KIF13B: variants seen among roughly 807,000 people sequenced by gnomAD.
KIF13B encodes the protein kinesin-like protein KIF13B.
In KIF13B, 127 loss-of-function variants were observed where a neutral mutation model predicts 222.0. The observed-to-expected ratio is 0.57, with a 90% confidence interval of 0.50 to 0.66. KIF13B has a LOEUF of 0.66. KIF13B is among the 30% of genes least tolerant of loss of function. KIF13B has a pLI of 0.00. For missense variants in KIF13B, 2,173 were observed against 2,379.0 expected (o/e 0.91, Z 1.80); for synonymous variants, 976 against 919.0 (o/e 1.06, Z -1.12).
chr8:29,112,406 C>G (rs12543496), intron 32 of KIF13B, among the ~76,000 whole-genome samples: 15,343 of 142,946 alleles, frequency 0.11, 1,109 homozygotes, highest in Admixed American at 0.24. Flanking sequence ...GCACTCCAAC[C>G]TGGTGACAGA....
At chr8:29,166,669 A>C (rs1208080566) in intron 11 of KIF13B, among the ~76,000 whole-genome samples, 1 of 145,240 alleles carries the variant, frequency 6.9e-6, no homozygotes, top group African/African-American at 2.5e-5. Flanking sequence ...ACACCATTGC[A>C]CTCCAGCGTG....
chr8:29,073,344 G>T lies in KIF13B; in HGVS notation c.4522-1028C>A, dbSNP rs1038516237. On this transcript the variant is annotated intron_variant, in intron 38 of 39. Coordinates refer to ENST00000524189, the MANE Select transcript of KIF13B (RefSeq NM_015254.4). The stretch of plus-strand genomic sequence containing the variant: ...TGAGGCCAGCAGCTCTCCTCATGTC[G>T]GTCACTCTGTCTGAGTCACCCAGGC... Among the ~76,000 whole-genome samples, 4 of 152,166 alleles carry T rather than the reference G, an allele frequency of 2.6e-5. No homozygotes were observed. The South Asian group carries it at 6.2e-4, about 24-fold the overall frequency.
intron 2 of KIF13B, among the ~76,000 whole-genome samples, chr8:29,213,700 G>C (rs1278700406): frequency 6.6e-6 from 1 of 152,102 alleles, no homozygotes; most frequent in Non-Finnish European, 1.5e-5. Flanking sequence ...TGTAATTCTA[G>C]TACTTTGGGA....
intron 22 of KIF13B, among the ~76,000 whole-genome samples, 177 bp from the exon 23 acceptor site, chr8:29,132,642 T>C (rs1244663242): frequency 6.6e-6 from 1 of 152,258 alleles, no homozygotes; most frequent in Non-Finnish European, 1.5e-5. Flanking sequence ...CAAAAGGTTC[T>C]TGACTTTAAA....
chr8:29,185,626 A>C (rs1433594875), intron 6 of KIF13B, among the ~76,000 whole-genome samples: 1 of 152,222 alleles, frequency 6.6e-6, no homozygotes, highest in African/African-American at 2.4e-5. Flanking sequence ...ACTGCCTCTA[A>C]GATCCTCTTT....
chr8:29,131,190 G>A (rs555368043), intron 23 of KIF13B, among the ~76,000 whole-genome samples: 58 of 152,256 alleles, frequency 3.8e-4, no homozygotes, highest in African/African-American at 1.3e-3. Context: ...GCAGGGAAGT[G>A]AGCAAGGGTT....
intron 6 of KIF13B, among the ~76,000 whole-genome samples, chr8:29,182,714 G>T (rs61387428): frequency 0.06 from 9,064 of 151,318 alleles, 558 homozygotes; most frequent in African/African-American, 0.15. Flanking sequence ...AAAATATTAA[G>T]AATAATAATA....
At chr8:29,191,147 A>G in intron 3 of KIF13B, 90 bp from the exon 4 acceptor site, 1 of 938,038 alleles carries the variant, frequency 1.1e-6, no homozygotes, top group Admixed American at 2.4e-5. Context: ...TAGTGAAATA[A>G]AACAACTTAC....
At chr8:29,209,522 G>C (rs1814110736) in intron 2 of KIF13B, among the ~76,000 whole-genome samples, 1 of 152,130 alleles carries the variant, frequency 6.6e-6, no homozygotes, top group African/African-American at 2.4e-5. Flanking sequence ...AATTCTAAGA[G>C]CTGCTTTAAT....
chr8:29,108,510 T>A (rs1334147068), intron 34 of KIF13B, among the ~76,000 whole-genome samples: 1 of 152,268 alleles, frequency 6.6e-6, no homozygotes, highest in Non-Finnish European at 1.5e-5. Flanking sequence ...TTACTTGTTA[T>A]CTAACCATGG....
intron 2 of KIF13B, among the ~76,000 whole-genome samples, chr8:29,200,113 C>G (rs974833050): frequency 2.0e-5 from 3 of 152,050 alleles, no homozygotes; most frequent in Non-Finnish European, 4.4e-5. Context: ...AGAAACAAAC[C>G]AGTAAATTAA....
intron 37 of KIF13B, among the ~76,000 whole-genome samples, chr8:29,079,727 T>A (rs1014738248): frequency 6.6e-6 from 1 of 152,232 alleles, no homozygotes. Flanking sequence ...AAATCTTTCA[T>A]GGCTAACAAT....
intron 10 of KIF13B, among the ~76,000 whole-genome samples, chr8:29,169,853 C>T (rs1287948597): frequency 1.3e-5 from 2 of 152,220 alleles, no homozygotes; most frequent in Non-Finnish European, 2.9e-5. Flanking sequence ...GGCAGCATCG[C>T]ATTGTCCTCT....
chr8:29,206,117 T>TC (rs1813922961), intron 2 of KIF13B, among the ~76,000 whole-genome samples: 1 of 149,128 alleles, frequency 6.7e-6, no homozygotes, highest in Non-Finnish European at 1.5e-5. Flanking sequence ...ATTAACTAAT[T>TC]CCCCCCACAA....
intron 21 of KIF13B, 111 bp from the exon 22 acceptor site, chr8:29,134,321 A>G (rs1403072095): frequency 1.0e-6 from 1 of 962,678 alleles, no homozygotes; most frequent in African/African-American, 1.6e-5. Flanking sequence ...TATGATATTT[A>G]TGTTGGCCAA....
intron 16 of KIF13B, 76 bp from the exon 17 acceptor site, chr8:29,147,678 ATGTTGTC>A: frequency 1.8e-6 from 2 of 1,111,906 alleles, no homozygotes. Context: ...CTATATGGTA[ATGTTGTC>A]TGTCATCTTA....
rs146971981 is a variant in KIF13B at position 29,089,434 on chromosome 8, G to A, written c.4458+3311C>T. Reference sequence around the variant, plus strand: ...AGACTGGGCGACATACCAAGACCCTGTCTCTAAAATAATATTATTATAATC... The same window carrying A: ...AGACTGGGCGACATACCAAGACCCTATCTCTAAAATAATATTATTATAATC... On this transcript the variant is annotated intron_variant, in intron 37 of 39. Coordinates refer to ENST00000524189, the MANE Select transcript of KIF13B (RefSeq NM_015254.4). 5.0e-3 allele frequency among the ~76,000 whole-genome samples: 762 copies of A among 152,180 alleles called. 4 individuals are homozygous for A. The highest frequency in any genetic ancestry group is 7.7e-3 in the Non-Finnish European group (526 of 68,004).
At chr8:29,072,350 A>C in intron 38 of KIF13B, 34 bp from the exon 39 acceptor site, 1 of 1,357,220 alleles carries the variant, frequency 7.4e-7, no homozygotes, top group African/African-American at 1.5e-5. Context: ...GGCTGAGAAC[A>C]GAAAACTTTC....
At chr8:29,072,702 C>T (rs1189396875) in intron 38 of KIF13B, among the ~76,000 whole-genome samples, 7 of 152,136 alleles carry the variant, frequency 4.6e-5, no homozygotes, top group Admixed American at 2.6e-4. Context: ...TGGCCACAGC[C>T]CCTGCCCCAT....
Sources: gnomAD v4.1 joint callset for allele counts (sites outside exome capture counted in the v4.1 genomes callset) on GRCh38, gnomAD v4.1.1 for gene constraint, MANE v1.5 for transcripts, NCBI Gene and HGNC (gene_info 2026-07-23, HGNC 2026-07-21) for gene names.